The following RAB5B variants were observed in gnomAD, a reference collection of about 807,000 sequenced individuals.
RAB5B encodes the protein RAB5B, member RAS oncogene family.
Under a neutral mutation model 28.6 loss-of-function variants are expected in RAB5B, and 11 were observed. The ratio of observed to expected loss-of-function variants is 0.38; its 90% CI spans 0.24 to 0.64. RAB5B has a LOEUF of 0.64. Among genes scored for constraint, RAB5B ranks in the 30% least tolerant of loss-of-function variants. The probability of loss-of-function intolerance (pLI) is 0.53; values close to 1 mark genes in which losing one functional copy is unlikely to be tolerated. For synonymous variants in RAB5B, 93 were observed against 97.9 expected, an observed-to-expected ratio of 0.95 and a Z score of 0.29; for missense variants, 169 against 265.6, an observed-to-expected ratio of 0.64 and a Z score of 2.53.
chr12:55,990,950 T>G, intron 4 of RAB5B, 146 bp downstream of exon 4: 1 of 1,065,512 alleles, frequency 9.4e-7, no homozygotes, highest in African/African-American at 1.6e-5. Context: ...ACAGCAACAC[T>G]GTGACCCTAA....
intron 3 of RAB5B, 22 bp from the exon 4 acceptor site, chr12:55,990,660 C>T (rs1890086499): frequency 1.2e-6 from 2 of 1,612,570 alleles, no homozygotes; most frequent in East Asian, 2.2e-5. Context: ...CCAGCCTACT[C>T]ATTCTCTTCA....
intron 1 of RAB5B, among the ~76,000 whole-genome samples, chr12:55,981,300 G>A (rs1327635176): frequency 6.6e-6 from 1 of 152,090 alleles, no homozygotes; most frequent in African/African-American, 2.4e-5. Flanking sequence ...CTGACCTCAG[G>A]TGATCTGCCC....
chr12:55,980,693 AC>A, intron 1 of RAB5B: 10 of 1,584,104 alleles, frequency 6.3e-6, no homozygotes, highest in Non-Finnish European at 8.7e-6. Flanking sequence ...GAGGTGCTCC[AC>A]CCCAGCTGAG....
intron 1 of RAB5B, among the ~76,000 whole-genome samples, chr12:55,982,479 A>G (rs1889836888): frequency 6.6e-6 from 1 of 152,106 alleles, no homozygotes; most frequent in African/African-American, 2.4e-5. Context: ...TCTTTTTCAG[A>G]GGTGGGATCT....
Position 55,994,011 on chromosome 12 carries a change from C to T in RAB5B, c.*1799C>T, listed in dbSNP as rs1890214553. 6.6e-6 allele frequency: 1 copy of T among 152,604 alleles called. No individual in the cohort carries two copies. The highest frequency in any genetic ancestry group is 1.5e-5 in the Non-Finnish European group (1 of 68,052). 9.5% of individuals were successfully genotyped at this position (152,604 alleles called of 1,614,324 possible). The stretch of plus-strand genomic sequence containing the variant: ...AGAAAGAAAGGAAAGGTCACAGTGA[C>T]CTAGGATTGGAACCTTCCTGCCCTT... On this transcript the variant is annotated 3_prime_UTR_variant, in exon 6 of 6. Transcript: ENST00000360299.
chr12:55,992,108 C>G lies in RAB5B; in HGVS notation c.544C>G (p.Pro182Ala), dbSNP rs1302873118. ...DLFLAIAKKL[P>A]KSEPQNLGGA... is the part of the protein sequence containing the mutation. ...CTTTTTATCTCTAGCTAAGAAGTTG[C>G]CAAAGAGTGAACCCCAGAATCTGGG... Residue 182 changes from proline (P) to alanine (A), a missense_variant, in exon 6 of 6, where the codon CCA (proline) becomes GCA (alanine). Coordinates refer to ENST00000360299, the MANE Select transcript of RAB5B (RefSeq NM_002868.4). The G allele has an allele frequency of 1.2e-6, 2 of 1,613,778 alleles. No individual in the cohort carries two copies. Among genetic ancestry groups the G allele is most frequent in the African/African-American group, 2.7e-5 (2 of 74,874 alleles).
Position 55,996,662 on chromosome 12 carries a change from C to A in RAB5B, c.*4450C>A, listed in dbSNP as rs1368268264. On this transcript the variant is annotated 3_prime_UTR_variant, in exon 6 of 6. Coordinates refer to ENST00000360299, the MANE Select transcript of RAB5B (RefSeq NM_002868.4). The stretch of plus-strand genomic sequence containing the variant: ...GCGATTATTATTTTTTTTTTCTACG[C>A]AAAATAAAAGACGGCTATTCAGTGT... The A allele has an allele frequency of 2.6e-5, 4 of 151,836 alleles. No homozygotes were observed. In the South Asian group the frequency reaches 8.3e-4, roughly 32 times the overall value. The allele number at this position is 151,836 out of a possible 1,614,324, so 9.4% of individuals were successfully genotyped here. A position where few individuals can be genotyped will look rare whatever the true frequency, so the allele number is the denominator to read the frequency against.
At position 55,991,700 on chromosome 12, in the gene RAB5B, G is replaced by A. The variant is rs567034510; in HGVS notation, c.532+247G>A. ...TCCCAGCATTTTGGGAGGCCGAGGC[G>A]GGCGGATCACGAGGTCAAGAGATCA... On this transcript the variant is annotated intron_variant, in intron 5 of 5. Coordinates refer to ENST00000360299, the MANE Select transcript of RAB5B (RefSeq NM_002868.4). The A allele has an allele frequency of 4.1e-3, 1,845 of 444,780 alleles. 7 individuals carry two copies. Among genetic ancestry groups the A allele is most frequent in the Non-Finnish European group, 4.9e-3 (1,189 of 241,038 alleles). The allele number at this position is 444,780 out of a possible 1,614,324, so 27.6% of individuals were successfully genotyped here. A position where few individuals can be genotyped will look rare whatever the true frequency, so the allele number is the denominator to read the frequency against.
At chr12:55,981,061 G>A in intron 1 of RAB5B, 2 of 1,592,792 alleles carry the variant, frequency 1.3e-6, no homozygotes, top group Non-Finnish European at 8.6e-7. Flanking sequence ...CCGGGGAAGG[G>A]ATGGGGCTAT....
chr12:55,990,065 A>G lies in RAB5B; in HGVS notation c.282A>G (p.Gln94=). ...SLAPMYYRGA[Q]AAIVVYDITN... is the part of the protein sequence containing the mutation. ...CCCCCATGTACTACAGGGGTGCCCA[A>G]GCTGCAATCGTGGTTTACGACATTA... Residue 94 remains glutamine, a synonymous_variant, in exon 3 of 6, where the codon CAA becomes CAG. Transcript: ENST00000360299. The G allele has an allele frequency of 6.2e-7, 1 of 1,614,172 alleles. No individual in the cohort carries two copies. The highest frequency in any genetic ancestry group is 8.5e-7 in the Non-Finnish European group (1 of 1,180,008).
At chr12:55,976,874 G>C (rs990994104) in intron 1 of RAB5B, among the ~76,000 whole-genome samples, 1 of 152,114 alleles carries the variant, frequency 6.6e-6, no homozygotes, top group African/African-American at 2.4e-5. Flanking sequence ...AAAGCCCTCT[G>C]TTGTACCCAG....
chr12:55,980,957 A>G (rs1318730249), intron 1 of RAB5B: 2 of 1,613,892 alleles, frequency 1.2e-6, no homozygotes, highest in Non-Finnish European at 1.7e-6. Flanking sequence ...TGCAAAGCGA[A>G]TGATCAGACA....
At chr12:55,980,928 T>G in intron 1 of RAB5B, 1 of 1,613,466 alleles carries the variant, frequency 6.2e-7, no homozygotes, top group Non-Finnish European at 8.5e-7. Context: ...GAGATGTAAG[T>G]GTTGTTGAAG....
At chr12:55,979,982 A>G (rs1300932439) in intron 1 of RAB5B, among the ~76,000 whole-genome samples, 1 of 152,084 alleles carries the variant, frequency 6.6e-6, no homozygotes, top group Non-Finnish European at 1.5e-5. Flanking sequence ...TTTTTGTGCA[A>G]ATGGTGGCCT....
intron 1 of RAB5B, among the ~76,000 whole-genome samples, chr12:55,977,500 A>G (rs544412092): frequency 6.6e-6 from 1 of 152,244 alleles, no homozygotes; most frequent in South Asian, 2.1e-4. Flanking sequence ...AACATACCTC[A>G]TATCTTCTAA....
intron 1 of RAB5B, among the ~76,000 whole-genome samples, chr12:55,983,040 C>T (rs61956440): frequency 6.6e-6 from 1 of 151,514 alleles, no homozygotes; most frequent in African/African-American, 2.4e-5. Context: ...TATCATCTGT[C>T]CTTTTTTTTT....
rs1158956827 is a variant in RAB5B at position 55,980,782 on chromosome 12, A to G, written c.-92-6087A>G. The stretch of plus-strand genomic sequence containing the variant: ...CATCCGTGATGTCGTATGCTAGGAT[A>G]ATGCCCATGGCTCCACGGTAGTAGG... On this transcript the variant is annotated intron_variant, in intron 1 of 5. Transcript: ENST00000360299. 1.9e-6 allele frequency: 3 copies of G among 1,578,168 alleles called. No individual in the cohort carries two copies. The Admixed American group carries it at 5.0e-5, about 26-fold the overall frequency.
intron 1 of RAB5B, among the ~76,000 whole-genome samples, chr12:55,974,523 C>T (rs1444188329): frequency 6.6e-6 from 1 of 152,160 alleles, no homozygotes; most frequent in African/African-American, 2.4e-5. Context: ...GAGGGTCAGA[C>T]CTGTCGCCCG....
intron 1 of RAB5B, chr12:55,981,132 C>T (rs1351710187): frequency 3.4e-5 from 34 of 1,010,574 alleles, no homozygotes; most frequent in East Asian, 1.5e-4. Context: ...CGTGTGATCT[C>T]GGCTCACTGC....
Sources: allele counts gnomAD v4.1 joint callset (sites outside exome capture counted in the v4.1 genomes callset), GRCh38; gene constraint gnomAD v4.1.1; transcripts MANE v1.5; gene names NCBI Gene and HGNC (gene_info 2026-07-23, HGNC 2026-07-21).